PPIG: variants seen among roughly 807,000 people sequenced by gnomAD.
The protein encoded by PPIG is peptidylprolyl isomerase G.
Under a neutral mutation model 87.9 loss-of-function variants are expected in PPIG, and 26 were observed. The ratio of observed to expected loss-of-function variants is 0.30; its 90% CI spans 0.22 to 0.41. PPIG has a LOEUF of 0.41. Among genes scored for constraint, PPIG ranks in the 10% least tolerant of loss-of-function variants. The probability of loss-of-function intolerance (pLI) is 1.00; values close to 1 mark genes in which losing one functional copy is unlikely to be tolerated. For synonymous variants in PPIG, 308 were observed against 276.5 expected, an observed-to-expected ratio of 1.11 and a Z score of -1.13; for missense variants, 722 against 879.4, an observed-to-expected ratio of 0.82 and a Z score of 2.26.
At chr2:169,611,724 C>T (rs1188590190) in intron 7 of PPIG, among the ~76,000 whole-genome samples, 1 of 152,104 alleles carries the variant, frequency 6.6e-6, no homozygotes, top group East Asian at 1.9e-4. Context: ...CCTGCACTAA[C>T]CAAAACTCCT....
At position 169,585,591 on chromosome 2, in the gene PPIG, G is replaced by C. The variant is rs192036828; in HGVS notation, c.-70+1101G>C. ...GTTTAGTCTTAAGGAGCAAAGTCTA[G>C]ATGTGCTGGCAAGGAGTATGCACAA... On this transcript the variant is annotated intron_variant, in intron 1 of 13. Transcript: ENST00000260970. Among the ~76,000 whole-genome samples the C allele has an allele frequency of 9.9e-5, 15 of 152,268 alleles. No homozygotes were observed. In the East Asian group the frequency reaches 2.5e-3, roughly 25 times the overall value.
chr2:169,616,474 A>G (rs1238941219), intron 9 of PPIG, among the ~76,000 whole-genome samples: 2 of 152,304 alleles, frequency 1.3e-5, no homozygotes, highest in African/African-American at 4.8e-5. Context: ...ACAGTATAAC[A>G]GTGTTCCTAT....
In PPIG at chr2:169,624,073, T is replaced by TCTCC. The variant is rs540628663; in HGVS notation, c.548-6699_548-6696dup. On this transcript the variant is annotated intron_variant, in intron 9 of 13. Coordinates refer to ENST00000260970, the MANE Select transcript of PPIG (RefSeq NM_004792.3). The stretch of plus-strand genomic sequence containing the variant: ...CCTCGAACTCCTGGGTTCAGTCAAT[T>TCTCC]CTCCCACCTCAGCCTTCCAAATAGC... Among the ~76,000 whole-genome samples the TCTCC allele has an allele frequency of 2.0e-4, 30 of 152,210 alleles. No homozygotes were observed. In the South Asian group the frequency reaches 6.0e-3, roughly 31 times the overall value.
chr2:169,630,495 A>C (rs1686015300), intron 9 of PPIG, among the ~76,000 whole-genome samples: 1 of 152,172 alleles, frequency 6.6e-6, no homozygotes. Context: ...CTTTTAAAAA[A>C]AATTCTTATT....
chr2:169,615,682 A>T (rs559818726), intron 9 of PPIG, among the ~76,000 whole-genome samples: 2 of 151,728 alleles, frequency 1.3e-5, no homozygotes, highest in South Asian at 2.1e-4. Flanking sequence ...CCACATTTTT[A>T]AAAAATCCGT....
At chr2:169,631,279 AACC>A (rs2105519116) in intron 10 of PPIG, among the ~76,000 whole-genome samples, 1 of 152,272 alleles carries the variant, frequency 6.6e-6, no homozygotes, top group East Asian at 1.9e-4. Flanking sequence ...AATTGCAGAA[AACC>A]ACCAGTTGTT....
intron 1 of PPIG, among the ~76,000 whole-genome samples, chr2:169,589,666 GGTT>G (rs1444413326): frequency 5.9e-5 from 9 of 151,950 alleles, no homozygotes; most frequent in South Asian, 2.1e-4. Context: ...TTTTGGGGGG[GGTT>G]GTTTTTTTGG....
At chr2:169,604,328 T>TTGG in intron 4 of PPIG, 67 bp downstream of exon 4, 4 of 43,870 alleles carry the variant, frequency 9.1e-5, no homozygotes, top group Non-Finnish European at 1.1e-4. Flanking sequence ...GCTTGCTTGG[T>TTGG]TTTTTTTTTT....
chr2:169,599,194 G>T (rs1371818303), intron 1 of PPIG, among the ~76,000 whole-genome samples: 1 of 151,884 alleles, frequency 6.6e-6, no homozygotes, highest in African/African-American at 2.4e-5. Flanking sequence ...AATAAATGAG[G>T]TCATTTTTTA....
At chr2:169,630,725 A>G (rs75300860) in intron 9 of PPIG, 49 bp from the exon 10 acceptor site, 2 of 1,474,930 alleles carry the variant, frequency 1.4e-6, no homozygotes, top group Non-Finnish European at 1.9e-6. Flanking sequence ...CTCCTTCCAC[A>G]AAGTTTGTCT....
At chr2:169,631,131 T>G in intron 10 of PPIG, 144 bp downstream of exon 10, 1 of 776,470 alleles carries the variant, frequency 1.3e-6, no homozygotes, top group Non-Finnish European at 2.0e-6. Context: ...TTCCACAGTC[T>G]ATAGATTAAA....
Position 169,631,754 on chromosome 2 carries a change from C to T in PPIG, c.762-12C>T. On this transcript the variant is annotated splice_polypyrimidine_tract_variant and intron_variant, in intron 10 of 13. Transcript: ENST00000260970. ...CAACTGTAACTTGTTTTGTGTGTTT[C>T]TGTCTGTTAAGTGCATCTAGTGAGA... 2 of 1,613,494 alleles carry T rather than the reference C, an allele frequency of 1.2e-6. No individual in the cohort carries two copies. Among genetic ancestry groups the T allele is most frequent in the East Asian group, 2.2e-5 (1 of 44,818 alleles).
At chr2:169,614,040 T>A (rs980231471) in intron 7 of PPIG, among the ~76,000 whole-genome samples, 1 of 152,260 alleles carries the variant, frequency 6.6e-6, no homozygotes, top group African/African-American at 2.4e-5. Flanking sequence ...CTTAACTGTT[T>A]AAAATGTTAA....
chr2:169,636,890 C>T lies in PPIG; in HGVS notation c.1632C>T (p.Ser544=). Reference sequence around the variant, plus strand: ...AGGAAAAGGATAGACGCGCACAATCCAGGAGTAGAGAATGTGATATAACTA... The same window carrying T: ...AGGAAAAGGATAGACGCGCACAATCTAGGAGTAGAGAATGTGATATAACTA... ...KSKEKDRRAQ[S]RSRECDITKG... is the part of the protein sequence containing the mutation. The change falls in exon 14 of 14, where the codon TCC becomes TCT. Residue 544 remains serine, a synonymous_variant. Coordinates refer to ENST00000260970, the MANE Select transcript of PPIG (RefSeq NM_004792.3). The T allele has an allele frequency of 6.2e-7, 1 of 1,613,702 alleles. No individual in the cohort carries two copies. Among genetic ancestry groups the T allele is most frequent in the Non-Finnish European group, 8.5e-7 (1 of 1,179,932 alleles).
chr2:169,585,433 T>C (rs570811103), intron 1 of PPIG, among the ~76,000 whole-genome samples: 34 of 152,028 alleles, frequency 2.2e-4, no homozygotes, highest in South Asian at 4.2e-4. Flanking sequence ...GGCTAATTTT[T>C]TGTGTTTTTA....
At chr2:169,614,543 A>C (rs751618044) in intron 8 of PPIG, 42 bp from the exon 9 acceptor site, 22 of 1,566,492 alleles carry the variant, frequency 1.4e-5, no homozygotes, top group Non-Finnish European at 1.9e-5. Context: ...TAACCTTGAA[A>C]TAAAAAGCTT....
At chr2:169,605,088 C>CT (rs1323723931) in intron 4 of PPIG, among the ~76,000 whole-genome samples, 1 of 152,116 alleles carries the variant, frequency 6.6e-6, no homozygotes, top group African/African-American at 2.4e-5. Context: ...AACCCCAGCA[C>CT]TTTGGAAGGC....
rs752382387 is a variant in PPIG at position 169,604,117 on chromosome 2, T to C, written c.61+15T>C. The C allele has an allele frequency of 1.9e-6, 3 of 1,611,266 alleles. No individual in the cohort carries two copies. The highest frequency in any genetic ancestry group is 2.7e-5 in the African/African-American group (2 of 74,958). ...CAATCAACCTGGTAAGAATATTAGTTGACATTTATAAATGGGTGTTTAATA... is the reference window on the plus strand; with the variant it reads ...CAATCAACCTGGTAAGAATATTAGTCGACATTTATAAATGGGTGTTTAATA... On this transcript the variant is annotated intron_variant, in intron 3 of 13. Transcript: ENST00000260970.
intron 12 of PPIG, 52 bp from the exon 13 acceptor site, chr2:169,636,040 A>C: frequency 2.5e-5 from 34 of 1,376,222 alleles, no homozygotes; most frequent in Non-Finnish European, 3.1e-5. Context: ...CACCCATGCG[A>C]GTCCCTCTAT....
Sources: allele counts gnomAD v4.1 joint callset (sites outside exome capture counted in the v4.1 genomes callset), GRCh38; gene constraint gnomAD v4.1.1; transcripts MANE v1.5; gene names NCBI Gene and HGNC (gene_info 2026-07-23, HGNC 2026-07-21).